BMX: variants seen among roughly 807,000 people sequenced by gnomAD.
The protein encoded by BMX is cytoplasmic tyrosine-protein kinase BMX.
BMX carries 31 observed loss-of-function variants against 59.2 expected under a neutral mutation model. The ratio of observed to expected loss-of-function variants is 0.52; its 90% CI spans 0.39 to 0.71. The LOEUF (loss-of-function observed/expected upper bound fraction) is 0.71, where lower values mean the gene tolerates loss of function less well. Among genes scored for constraint, BMX ranks in the 30% least tolerant of loss-of-function variants. BMX has a pLI of 0.00. For synonymous variants in BMX, 185 were observed against 181.0 expected (o/e 1.02, Z -0.18); for missense variants, 474 against 491.7 (o/e 0.96, Z 0.34).
chrX:15,534,458 C>A, intron 12 of BMX, 119 bp downstream of exon 12: 1 of 513,945 alleles, frequency 1.9e-6, no homozygotes, highest in Non-Finnish European at 2.8e-6. Flanking sequence ...AGGAAAAAAT[C>A]CTCTCAAGTC....
At chrX:15,534,474 C>A in intron 12 of BMX, 135 bp downstream of exon 12, 2 of 550,273 alleles carry the variant, frequency 3.6e-6, no homozygotes, top group South Asian at 9.2e-5. Flanking sequence ...AAGTCTTTTG[C>A]CTATCATAAT....
chrX:15,541,546 C>T (rs1282132106), intron 14 of BMX, among the ~76,000 whole-genome samples: 2 of 111,705 alleles, frequency 1.8e-5, no homozygotes, highest in African/African-American at 3.3e-5. Flanking sequence ...CTACATTCTT[C>T]GTATTCTAAT....
chrX:15,529,867 C>A, intron 9 of BMX, 106 bp from the exon 10 acceptor site: 1 of 675,583 alleles, frequency 1.5e-6, no homozygotes. Flanking sequence ...GGCTTGGAAA[C>A]CCCTGAGGTA....
intron 7 of BMX, among the ~76,000 whole-genome samples, chrX:15,523,803 G>C (rs1380701794): frequency 8.9e-6 from 1 of 111,828 alleles, no homozygotes; most frequent in Non-Finnish European, 1.9e-5. Flanking sequence ...TTCACATGGG[G>C]TTGCTGCCAT....
chrX:15,524,284 C>T (rs925018454), intron 7 of BMX, among the ~76,000 whole-genome samples: 3 of 112,304 alleles, frequency 2.7e-5, no homozygotes, highest in African/African-American at 9.7e-5. Flanking sequence ...AGCATTTTTC[C>T]TATTTGAATA....
intron 6 of BMX, among the ~76,000 whole-genome samples, chrX:15,520,629 A>G (rs1277230431): frequency 8.9e-6 from 1 of 112,115 alleles, no homozygotes; most frequent in Admixed American, 9.5e-5. Context: ...ATTATCAGCT[A>G]GGCAAATCAG....
At chrX:15,516,382 A>C in intron 5 of BMX, 151 bp downstream of exon 5, 1 of 688,090 alleles carries the variant, frequency 1.5e-6, no homozygotes, top group East Asian at 3.4e-5. Flanking sequence ...GCTATGTGAC[A>C]AATGAAATCT....
intron 17 of BMX, among the ~76,000 whole-genome samples, chrX:15,547,407 C>T (rs1449152463): frequency 8.9e-6 from 1 of 112,507 alleles, no homozygotes; most frequent in Admixed American, 9.4e-5. Flanking sequence ...CCATTCCCTT[C>T]TGCGCTGACC....
chrX:15,508,267 T>A, intron 1 of BMX, 78 bp from the exon 2 acceptor site: 2 of 683,033 alleles, frequency 2.9e-6, no homozygotes, highest in Non-Finnish European at 4.1e-6. Context: ...TAGGAAATCG[T>A]TGAGGAAAAG....
In BMX at chrX:15,516,220, T is replaced by G; in HGVS notation, c.434T>G (p.Leu145Arg). The change falls in exon 5 of 19, where the codon CTC becomes CGC. Residue 145 changes from leucine to arginine, a missense_variant. By Grantham distance (102) the Leu-to-Arg change is moderately radical (BLOSUM62 -2). Transcript: ENST00000348343. Reference protein sequence around the residue: ...QSCKAAPGCTLWEAYANLHTA... With the variant: ...QSCKAAPGCTRWEAYANLHTA... ...TGTAAAGCAGCCCCAGGATGTACCC[T>G]CTGGGAAGCATGTAATGTGTGATTC... is the stretch of plus-strand genomic sequence containing the variant. 4.1e-6 allele frequency: 5 copies of G among 1,209,619 alleles called. No individual in the cohort carries two copies. The highest frequency in any genetic ancestry group is 5.6e-6 in the Non-Finnish European group (5 of 894,326).
rs967100299 is a variant in BMX at position 15,537,065 on chromosome X, C to T, written c.1223-69C>T. 17 of 1,086,577 alleles carry T rather than the reference C, an allele frequency of 1.6e-5. No homozygotes were observed. In the East Asian group the frequency reaches 1.8e-4, roughly 12 times the overall value. 89.5% of individuals were successfully genotyped at this position (1,086,577 alleles called of 1,213,427 possible). ...GTGAAACTCCCATTGGAGAAGAAAT[C>T]ACTTGGGAAGCTGTTAGCCCCAAAG... is the stretch of plus-strand genomic sequence containing the variant. On this transcript the variant is annotated intron_variant, in intron 13 of 18. Transcript: ENST00000348343.
intron 5 of BMX, 41 bp from the exon 6 acceptor site, chrX:15,517,888 G>T: frequency 9.0e-7 from 1 of 1,111,832 alleles, no homozygotes; most frequent in Non-Finnish European, 1.2e-6. Flanking sequence ...TCTTTGTTTT[G>T]TTTAAAGTTC....
chrX:15,505,086 AG>A (rs1372313313), intron 1 of BMX, among the ~76,000 whole-genome samples: 1 of 112,345 alleles, frequency 8.9e-6, no homozygotes, highest in African/African-American at 3.2e-5. Context: ...TCACAATACG[AG>A]GGGGGAAGAT....
intron 3 of BMX, among the ~76,000 whole-genome samples, chrX:15,509,982 G>A (rs1008395475): frequency 1.8e-5 from 2 of 111,278 alleles, no homozygotes; most frequent in Non-Finnish European, 3.8e-5. Flanking sequence ...AATATGAGAA[G>A]GACAGTGGTA....
intron 16 of BMX, among the ~76,000 whole-genome samples, chrX:15,545,631 A>G (rs995738110): frequency 2.7e-5 from 3 of 111,903 alleles, no homozygotes; most frequent in African/African-American, 9.7e-5. Context: ...TCCTGAGATC[A>G]TATCAGGAAG....
intron 1 of BMX, among the ~76,000 whole-genome samples, chrX:15,501,791 T>C (rs1203837400): frequency 9.0e-6 from 1 of 111,416 alleles, no homozygotes; most frequent in Non-Finnish European, 1.9e-5. Context: ...AGGGTATGGT[T>C]CAACCTCATT....
In BMX at chrX:15,537,293, C is replaced by A; in HGVS notation, c.1382C>A (p.Ala461Asp). 8.3e-7 allele frequency: 1 copy of A among 1,210,113 alleles called. No homozygotes were observed. The highest frequency in any genetic ancestry group is 1.1e-6 in the Non-Finnish European group (1 of 894,887). Residue 461 changes from alanine (A) to aspartate (D), a missense_variant, in exon 14 of 19, where the codon GCC becomes GAC. Coordinates refer to ENST00000348343, the MANE Select transcript of BMX (RefSeq NM_203281.3). ...TCAGAAGATGAATTCTTTCAGGAGG[C>A]CCAGACTATGATGTAAGTTTTTCCC... ...SMSEDEFFQE[A>D]QTMMKLSHPK... is the part of the protein sequence containing the mutation.
At chrX:15,509,535 TC>T (rs1439786618) in intron 3 of BMX, 102 bp downstream of exon 3, 2 of 578,554 alleles carry the variant, frequency 3.5e-6, no homozygotes, top group African/African-American at 4.8e-5. Context: ...TTCAAAATAA[TC>T]TAAACAAGGC....
At chrX:15,549,749 C>T in intron 17 of BMX, 91 bp from the exon 18 acceptor site, 1 of 1,047,032 alleles carries the variant, frequency 9.6e-7, no homozygotes, top group Non-Finnish European at 1.3e-6. Context: ...GCCTTCCTGA[C>T]CTGTTGTGTG....
Sources: gnomAD v4.1 joint callset for allele counts (sites outside exome capture counted in the v4.1 genomes callset) on GRCh38, gnomAD v4.1.1 for gene constraint, MANE v1.5 for transcripts, NCBI Gene and HGNC (gene_info 2026-07-23, HGNC 2026-07-21) for gene names.